Variants in RNF144B observed in about 807,000 individuals in gnomAD.
RNF144B encodes E3 ubiquitin-protein ligase RNF144B.
RNF144B carries 25 observed loss-of-function variants against 40.2 expected under a neutral mutation model. The ratio of observed to expected loss-of-function variants is 0.62; its 90% CI spans 0.45 to 0.87. RNF144B has a LOEUF of 0.87. RNF144B is among the 40% of genes least tolerant of loss of function. RNF144B has a pLI of 0.00. For synonymous variants in RNF144B, 145 were observed against 136.3 expected, an observed-to-expected ratio of 1.06 and a Z score of -0.44; for missense variants, 365 against 373.7, an observed-to-expected ratio of 0.98 and a Z score of 0.19.
chr6:18,412,364 C>T lies in RNF144B; in HGVS notation c.165+12665C>T, dbSNP rs1795065559. Among the ~76,000 whole-genome samples the T allele has an allele frequency of 6.6e-6, 1 of 152,130 alleles. No individual in the cohort carries two copies. Among genetic ancestry groups the T allele is most frequent in the African/African-American group, 2.4e-5 (1 of 41,416 alleles). On this transcript the variant is annotated intron_variant, in intron 2 of 7. Transcript: ENST00000259939. This position sits in a 1 kb window ranked among gnomAD's most constrained non-coding sequence, Gnocchi z 4.2. Reference sequence around the variant, plus strand: ...GAAGCAAATTGTTGTAAGAGAAGCTCATCTCATGAATCTATCTTTAAAAAA... The same window carrying T: ...GAAGCAAATTGTTGTAAGAGAAGCTTATCTCATGAATCTATCTTTAAAAAA...
Position 18,439,735 on chromosome 6 carries a change from T to G in RNF144B, c.322T>G (p.Phe108Val), listed in dbSNP as rs768571953. ...GTTTCAACTTTATCAGAGGTTAAAA[T>G]TTGAAAGAGGTATGAACTCTTCTTT... ...DQFQLYQRLK[F>V]EREVHLDPYR... Residue 108 changes from phenylalanine (F) to valine (V), a missense_variant, in exon 4 of 8, where the codon TTT becomes GTT. Coordinates refer to ENST00000259939, the MANE Select transcript of RNF144B (RefSeq NM_182757.4). 3.1e-6 allele frequency: 5 copies of G among 1,608,240 alleles called. No individual in the cohort carries two copies. Among genetic ancestry groups the G allele is most frequent in the Non-Finnish European group, 4.3e-6 (5 of 1,174,846 alleles).
At chr6:18,436,420 A>T (rs1188063124) in intron 3 of RNF144B, among the ~76,000 whole-genome samples, 1 of 152,218 alleles carries the variant, frequency 6.6e-6, no homozygotes, top group Non-Finnish European at 1.5e-5. Context: ...CTTTAATTCT[A>T]TTGTATCGAA....
intron 3 of RNF144B, among the ~76,000 whole-genome samples, chr6:18,428,085 G>C (rs1758605344): frequency 6.6e-6 from 1 of 152,188 alleles, no homozygotes; most frequent in Non-Finnish European, 1.5e-5. Context: ...CCCCCATGCT[G>C]TTCTCGTGAT....
In RNF144B at chr6:18,446,321, C is replaced by T. The variant is rs1191843582; in HGVS notation, c.331+6577C>T. 6.6e-6 allele frequency among the ~76,000 whole-genome samples: 1 copy of T among 152,184 alleles called. No individual in the cohort carries two copies. Among genetic ancestry groups the T allele is most frequent in the East Asian group, 1.9e-4 (1 of 5,192 alleles). The stretch of plus-strand genomic sequence containing the variant: ...ACCTTCCATTGGCTTTTCCTTGTAT[C>T]TGCTCTTCTAGGAGCTGAGCTGAAG... On this transcript the variant is annotated intron_variant, in intron 4 of 7. Transcript: ENST00000259939. The surrounding 1 kb of genome is among the most constrained non-coding windows in gnomAD (Gnocchi z 4.7).
chr6:18,401,901 G>A (rs1182725441), intron 2 of RNF144B: 1 of 24,342 alleles, frequency 4.1e-5, no homozygotes, highest in African/African-American at 8.6e-5. Context: ...TAGATTTGAT[G>A]TTATGCCGGT....
rs1020841049 is a variant in RNF144B at position 18,448,957 on chromosome 6, C to A, written c.332-8198C>A. ...AAATTTCACTAATTCTTGTGTAGAACCTGCTTCATGTCAGGCACTGTGTTA... is the reference window on the plus strand; with the variant it reads ...AAATTTCACTAATTCTTGTGTAGAAACTGCTTCATGTCAGGCACTGTGTTA... On this transcript the variant is annotated intron_variant, in intron 4 of 7. Coordinates refer to ENST00000259939, the MANE Select transcript of RNF144B (RefSeq NM_182757.4). This position sits in a 1 kb window ranked among gnomAD's most constrained non-coding sequence, Gnocchi z 4.0. 6.6e-6 allele frequency among the ~76,000 whole-genome samples: 1 copy of A among 152,114 alleles called. No individual in the cohort carries two copies. The highest frequency in any genetic ancestry group is 2.4e-5 in the African/African-American group (1 of 41,414).
chr6:18,450,304 G>C lies in RNF144B; in HGVS notation c.332-6851G>C, dbSNP rs9371059. Among the ~76,000 whole-genome samples, 4,650 of 146,354 alleles carry C rather than the reference G, an allele frequency of 0.032. 154 individuals are homozygous for C. Among genetic ancestry groups the C allele is most frequent in the South Asian group, 0.17 (788 of 4,666 alleles). On this transcript the variant is annotated intron_variant, in intron 4 of 7. Coordinates refer to ENST00000259939, the MANE Select transcript of RNF144B (RefSeq NM_182757.4). The surrounding 1 kb of genome is among the most constrained non-coding windows in gnomAD (Gnocchi z 4.7). ...CAACTCTGATTTGTAGTGCTTGCCA[G>C]TTTTTTTTTTTTAGATGGAGTCTTG...
chr6:18,426,029 A>G (rs1758542174), intron 2 of RNF144B, among the ~76,000 whole-genome samples: 2 of 152,208 alleles, frequency 1.3e-5, no homozygotes, highest in South Asian at 2.1e-4. Flanking sequence ...TTCTGAAGTA[A>G]TATAATAGTG....
At chr6:18,438,367 A>G (rs548901) in intron 3 of RNF144B, among the ~76,000 whole-genome samples, 36,622 of 151,940 alleles carry the variant, frequency 0.24, 4,483 homozygotes, top group South Asian at 0.36. Context: ...ATTGCGCATA[A>G]TTTTTTTTGT....
chr6:18,421,189 T>C (rs1165522451), intron 2 of RNF144B, among the ~76,000 whole-genome samples: 1 of 151,092 alleles, frequency 6.6e-6, no homozygotes, highest in Non-Finnish European at 1.5e-5. Context: ...GAGGCAGAGG[T>C]TGCAGTGAGC....
rs1031294458 is a variant in RNF144B at position 18,434,467 on chromosome 6, T to A, written c.271-5217T>A. On this transcript the variant is annotated intron_variant, in intron 3 of 7. Transcript: ENST00000259939. This position sits in a 1 kb window ranked among gnomAD's most constrained non-coding sequence, Gnocchi z 4.1. ...GGTGTGCCTCACTTTTCATTTCTTC[T>A]TGGTTGTGGACGTTAGAGAGATTAA... 2.6e-5 allele frequency among the ~76,000 whole-genome samples: 4 copies of A among 152,146 alleles called. No homozygotes were observed. The highest frequency in any genetic ancestry group is 5.9e-5 in the Non-Finnish European group (4 of 68,018).
rs752390051 is a variant in RNF144B, at chr6:18,457,284, C to T, written c.461C>T (p.Ser154Leu). 12 of 1,614,000 alleles carry T rather than the reference C, an allele frequency of 7.4e-6. No individual in the cohort carries two copies. Among genetic ancestry groups the T allele is most frequent in the South Asian group, 6.6e-5 (6 of 91,074 alleles). Residue 154 changes from serine (S) to leucine (L), a missense_variant, in exon 5 of 8, where the codon TCG becomes TTG. Coordinates refer to ENST00000259939, the MANE Select transcript of RNF144B (RefSeq NM_182757.4). The surrounding 1 kb of genome is among the most constrained non-coding windows in gnomAD (Gnocchi z 5.1). Reference sequence around the variant, plus strand: ...CCTTCTTGCCACCTGAAATTCTGCTCGTGTTGCAAGGATGCTTGGCATGCA... The same window carrying T: ...CCTTCTTGCCACCTGAAATTCTGCTTGTGTTGCAAGGATGCTTGGCATGCA... Reference protein sequence around the residue: ...ECPSCHLKFCSCCKDAWHAEV... With the variant: ...ECPSCHLKFCLCCKDAWHAEV...
In RNF144B at chr6:18,464,909, T is replaced by C. The variant is rs1180273597; in HGVS notation, c.772-18T>C. On this transcript the variant is annotated intron_variant, in intron 7 of 7. Transcript: ENST00000259939. This position sits in a 1 kb window ranked among gnomAD's most constrained non-coding sequence, Gnocchi z 6.1. Reference sequence around the variant, plus strand: ...AAAGACTTAATTGCTGAAATATGCTTTTCTTTGAAATTTCCAGGTGGTGGG... The same window carrying C: ...AAAGACTTAATTGCTGAAATATGCTCTTCTTTGAAATTTCCAGGTGGTGGG... 1 of 1,613,530 alleles carries C rather than the reference T, an allele frequency of 6.2e-7. No homozygotes were observed. The highest frequency in any genetic ancestry group is 1.1e-5 in the South Asian group (1 of 91,038).
Position 18,410,009 on chromosome 6 carries a change from TG to T in RNF144B, c.165+10311del, listed in dbSNP as rs1417925463. On this transcript the variant is annotated intron_variant, in intron 2 of 7. Coordinates refer to ENST00000259939, the MANE Select transcript of RNF144B (RefSeq NM_182757.4). The surrounding 1 kb of genome is among the most constrained non-coding windows in gnomAD (Gnocchi z 4.6). ...GTTGTGAAAAGATAGTTTGGTGATC[TG>T]TGCTTGTATGTTGTGTAGACTTTTC... Among the ~76,000 whole-genome samples, 3 of 152,236 alleles carry T rather than the reference TG, an allele frequency of 2.0e-5. No homozygotes were observed. Among genetic ancestry groups the T allele is most frequent in the Non-Finnish European group, 4.4e-5 (3 of 68,040 alleles).
intron 3 of RNF144B, among the ~76,000 whole-genome samples, chr6:18,436,064 A>T (rs973757138): frequency 1.3e-4 from 20 of 152,144 alleles, no homozygotes; most frequent in Non-Finnish European, 2.8e-4. Context: ...ACACTAAAAA[A>T]AAAAAAAGTT....
Position 18,458,856 on chromosome 6 carries a change from G to A in RNF144B, c.537-751G>A, listed in dbSNP as rs576484810. Among the ~76,000 whole-genome samples the A allele has an allele frequency of 1.3e-5, 2 of 152,316 alleles. No homozygotes were observed. Among genetic ancestry groups the A allele is most frequent in the South Asian group, 2.1e-4 (1 of 4,826 alleles). On this transcript the variant is annotated intron_variant, in intron 5 of 7. Transcript: ENST00000259939. The surrounding 1 kb of genome is among the most constrained non-coding windows in gnomAD (Gnocchi z 4.8). ...CCAGGAGTCAGAAAGGCTTCAATGA[G>A]CATTTCCTTTGTCATGTTGGCACTC...
intron 3 of RNF144B, among the ~76,000 whole-genome samples, chr6:18,431,813 G>A (rs1758701584): frequency 6.6e-6 from 1 of 152,192 alleles, no homozygotes; most frequent in Admixed American, 6.6e-5. Flanking sequence ...GCTTCCTTGT[G>A]CAGGTCTAGC....
intron 3 of RNF144B, among the ~76,000 whole-genome samples, chr6:18,438,345 A>G (rs1758870216): frequency 6.6e-6 from 1 of 152,214 alleles, no homozygotes; most frequent in Admixed American, 6.5e-5. Flanking sequence ...GGTAAAATAC[A>G]TATAACATGA....
chr6:18,421,273 TACACACACACACACACACACACAC>T (rs1170609706), intron 2 of RNF144B, among the ~76,000 whole-genome samples: 1 of 102,266 alleles, frequency 9.8e-6, no homozygotes, highest in African/African-American at 3.6e-5. Flanking sequence ...TTATATATTA[TACACACACACACACACACACACAC>T]ACACACACAC....
Sources: gnomAD v4.1 joint callset for allele counts (sites outside exome capture counted in the v4.1 genomes callset) on GRCh38, gnomAD v4.1.1 for gene constraint, Gnocchi (gnomAD v3.1) non-coding constraint, MANE v1.5 for transcripts, NCBI Gene and HGNC (gene_info 2026-07-23, HGNC 2026-07-21) for gene names.